The following TRPV6 variants were observed in gnomAD, a reference collection of about 807,000 sequenced individuals.
TRPV6 encodes the protein transient receptor potential cation channel subfamily V member 6.
In TRPV6, 39 loss-of-function variants were observed where a neutral mutation model predicts 79.0. That is an observed-to-expected ratio of 0.49 (90% CI 0.38 to 0.64). The LOEUF is 0.64. Among genes scored for constraint, TRPV6 ranks in the 30% least tolerant of loss-of-function variants. TRPV6 has a pLI of 0.00. For missense variants in TRPV6, 813 were observed against 1,011.1 expected, an observed-to-expected ratio of 0.80 and a Z score of 2.66; for synonymous variants, 373 against 391.9, an observed-to-expected ratio of 0.95 and a Z score of 0.57.
At position 142,876,398 on chromosome 7, in the gene TRPV6, C is replaced by T. The variant is rs368137374; in HGVS notation, c.882+10G>A. 2.2e-5 allele frequency: 35 copies of T among 1,611,258 alleles called. No individual in the cohort carries two copies. The East Asian group carries it at 4.5e-4, about 21-fold the overall frequency. On this transcript the variant is annotated intron_variant, in intron 6 of 14. Coordinates refer to ENST00000359396, the MANE Select transcript of TRPV6 (RefSeq NM_018646.6). Reference sequence around the variant, plus strand: ...AGAAAGACACCTCAGGGATGGGGACCGTCTCTCACCACAGTGTTACCCTCC... The same window carrying T: ...AGAAAGACACCTCAGGGATGGGGACTGTCTCTCACCACAGTGTTACCCTCC...
intron 4 of TRPV6, 80 bp from the exon 5 acceptor site, chr7:142,876,917 T>A (rs1305115848): frequency 1.3e-6 from 2 of 1,557,482 alleles, no homozygotes; most frequent in African/African-American, 2.7e-5. Context: ...GTGACAGCCT[T>A]ATCTTCCCCC....
chr7:142,881,019 G>T (rs1266997789), intron 1 of TRPV6: 3 of 152,304 alleles, frequency 2.0e-5, no homozygotes, highest in East Asian at 1.9e-4. Flanking sequence ...CAGCAAAAAG[G>T]GGGGCCCAGC....
chr7:142,876,934 C>A, intron 4 of TRPV6, 97 bp from the exon 5 acceptor site: 1 of 1,523,162 alleles, frequency 6.6e-7, no homozygotes, highest in African/African-American at 1.4e-5. Flanking sequence ...CCCCACATCT[C>A]AGCTCAGGGC....
rs989927461 is a variant in TRPV6, at chr7:142,883,299, G to T, written c.248+2090C>A. The T allele has an allele frequency of 3.3e-5, 5 of 152,228 alleles. No homozygotes were observed. The South Asian group carries it at 1.0e-3, about 32-fold the overall frequency. 9.4% of individuals were successfully genotyped at this position (152,228 alleles called of 1,614,324 possible). On this transcript the variant is annotated intron_variant, in intron 1 of 14. Coordinates refer to ENST00000359396, the MANE Select transcript of TRPV6 (RefSeq NM_018646.6). Reference sequence around the variant, plus strand: ...GAGCGGGCTGCGTGCTAAGCACCAAGAAACGTCCACTGTAAAAAGAGGAGT... The same window carrying T: ...GAGCGGGCTGCGTGCTAAGCACCAATAAACGTCCACTGTAAAAAGAGGAGT...
In TRPV6 at chr7:142,873,308, A is replaced by G. The variant is rs1471904707; in HGVS notation, c.1908+140T>C. On this transcript the variant is annotated intron_variant, in intron 13 of 14. Transcript: ENST00000359396. The surrounding 1 kb of genome is among the most constrained non-coding windows in gnomAD (Gnocchi z 4.8). Reference sequence around the variant, plus strand: ...TTGAATTGCTAATCAGTGCTTCTGTACATTTTGCATGATTTTGCTAGCTTT... The same window carrying G: ...TTGAATTGCTAATCAGTGCTTCTGTGCATTTTGCATGATTTTGCTAGCTTT... 1.2e-5 allele frequency: 14 copies of G among 1,178,872 alleles called. No individual in the cohort carries two copies. Among genetic ancestry groups the G allele is most frequent in the Non-Finnish European group, 1.6e-5 (13 of 825,380 alleles). The allele number at this position is 1,178,872 out of a possible 1,614,324, so 73.0% of individuals were successfully genotyped here.
chr7:142,885,648 T>C lies in TRPV6; in HGVS notation c.-12A>G, dbSNP rs1170213550. On this transcript the variant is annotated 5_prime_UTR_variant, in exon 1 of 15. Transcript: ENST00000359396. Reference sequence around the variant, plus strand: ...TGTAGAGGTCCCGTCTCCTGTCTCCTGCCTTCCTGACGAGTTCCTTGGGAG... The same window carrying C: ...TGTAGAGGTCCCGTCTCCTGTCTCCCGCCTTCCTGACGAGTTCCTTGGGAG... The C allele has an allele frequency of 3.9e-6, 5 of 1,289,584 alleles. No homozygotes were observed. The Admixed American group carries it at 1.3e-4, about 34-fold the overall frequency. The allele number at this position is 1,289,584 out of a possible 1,614,324, so 79.9% of individuals were successfully genotyped here. A position where few individuals can be genotyped will look rare whatever the true frequency, so the allele number is the denominator to read the frequency against.
Position 142,885,420 on chromosome 7 carries a change from G to A in TRPV6, c.217C>T (p.Arg73Ter), listed in dbSNP as rs1270405924. The A allele has an allele frequency of 1.9e-6, 3 of 1,613,734 alleles. No individual in the cohort carries two copies. The highest frequency in any genetic ancestry group is 2.2e-5 in the East Asian group (1 of 44,850). ...TGCTGCAGCAGGTTCTGCTCATCTCGGCTCTGGGCCCAGGACTCCCGTCTC... is the reference window on the plus strand; with the variant it reads ...TGCTGCAGCAGGTTCTGCTCATCTCAGCTCTGGGCCCAGGACTCCCGTCTC... Residue 73 changes from arginine to a stop codon, truncating the protein, a stop_gained, in exon 1 of 15, where the codon CGA becomes TGA. Coordinates refer to ENST00000359396, the MANE Select transcript of TRPV6 (RefSeq NM_018646.6). LOFTEE classifies it high-confidence loss of function.
intron 4 of TRPV6, 79 bp from the exon 5 acceptor site, chr7:142,876,916 T>A (rs1409699339): frequency 1.3e-6 from 2 of 1,558,398 alleles, no homozygotes; most frequent in Non-Finnish European, 1.7e-6. Flanking sequence ...AGTGACAGCC[T>A]TATCTTCCCC....
At chr7:142,877,874 GA>G (rs1366522007) in intron 2 of TRPV6, 54 bp downstream of exon 2, 2 of 1,612,506 alleles carry the variant, frequency 1.2e-6, no homozygotes, top group African/African-American at 1.3e-5. Flanking sequence ...GCACTCCTGG[GA>G]GGCCCCATGT....
intron 13 of TRPV6, 43 bp from the exon 14 acceptor site, chr7:142,872,521 C>T (rs763984457): frequency 2.5e-5 from 39 of 1,578,960 alleles, no homozygotes; most frequent in Non-Finnish European, 2.6e-5. Context: ...TGAGGCTGGG[C>T]GCAGACAGAG....
chr7:142,871,464 C>T lies in TRPV6; in HGVS notation c.*243G>A. On this transcript the variant is annotated 3_prime_UTR_variant, in exon 15 of 15. Transcript: ENST00000359396. ...CCTGTCGGAAGGGTGATGAGCAGGCCACAGGAGAGTTCCTCACGCCCTGCC... is the reference window on the plus strand; with the variant it reads ...CCTGTCGGAAGGGTGATGAGCAGGCTACAGGAGAGTTCCTCACGCCCTGCC... 1.8e-6 allele frequency: 1 copy of T among 541,768 alleles called. No homozygotes were observed. The highest frequency in any genetic ancestry group is 1.9e-5 in the African/African-American group (1 of 52,952). The allele number at this position is 541,768 out of a possible 1,614,324, so 33.6% of individuals were successfully genotyped here.
chr7:142,885,333 G>A, intron 1 of TRPV6, 56 bp downstream of exon 1: 2 of 1,547,082 alleles, frequency 1.3e-6, no homozygotes, highest in Non-Finnish European at 1.8e-6. Context: ...GAGGGGTGAG[G>A]GGTAGAGGTG....
rs1051488425 is a variant in TRPV6, at chr7:142,871,461, G to A, written c.*246C>T. 7.5e-6 allele frequency: 4 copies of A among 533,854 alleles called. No homozygotes were observed. The African/African-American group carries it at 7.6e-5, about 10-fold the overall frequency. 33.1% of individuals were successfully genotyped at this position (533,854 alleles called of 1,614,324 possible). On this transcript the variant is annotated 3_prime_UTR_variant, in exon 15 of 15. Coordinates refer to ENST00000359396, the MANE Select transcript of TRPV6 (RefSeq NM_018646.6). ...GCTCCTGTCGGAAGGGTGATGAGCA[G>A]GCCACAGGAGAGTTCCTCACGCCCT...
rs763514570 is a variant in TRPV6 at position 142,875,679 on chromosome 7, G to C, written c.1031C>G (p.Ala344Gly). Residue 344 changes from alanine (A) to glycine (G), a missense_variant and splice_region_variant, in exon 8 of 15, where the codon GCT becomes GGT. This residue lies in a region of TRPV6 where 555 missense variants were observed against 631.0 expected (regional missense o/e 0.88). Coordinates refer to ENST00000359396, the MANE Select transcript of TRPV6 (RefSeq NM_018646.6). ...CGGCGTCTGGTCCAGGATCTGGCGA[G>C]CCTGCAACAGAAAGAGAACAGGTGG... The C allele has an allele frequency of 6.2e-7, 1 of 1,610,552 alleles. No individual in the cohort carries two copies. Among genetic ancestry groups the C allele is most frequent in the South Asian group, 1.1e-5 (1 of 90,506 alleles).
At chr7:142,880,726 C>T (rs1348933578) in intron 1 of TRPV6, 1 of 152,210 alleles carries the variant, frequency 6.6e-6, no homozygotes, top group Non-Finnish European at 1.5e-5. Context: ...AAGCTACTGT[C>T]AGACCCAGAG....
chr7:142,873,908 T>C lies in TRPV6; in HGVS notation c.1639+168A>G. On this transcript the variant is annotated intron_variant, in intron 12 of 14. Coordinates refer to ENST00000359396, the MANE Select transcript of TRPV6 (RefSeq NM_018646.6). This position sits in a 1 kb window ranked among gnomAD's most constrained non-coding sequence, Gnocchi z 4.8. ...CTTGATCCTAAGAGCCACCTCTCCC[T>C]AACACTCCCGATTTTTCTCACCTCT... 1 of 1,086,878 alleles carries C rather than the reference T, an allele frequency of 9.2e-7. No individual in the cohort carries two copies. Among genetic ancestry groups the C allele is most frequent in the Non-Finnish European group, 1.3e-6 (1 of 749,030 alleles). The allele number at this position is 1,086,878 out of a possible 1,614,324, so 67.3% of individuals were successfully genotyped here. A position where few individuals can be genotyped will look rare whatever the true frequency, so the allele number is the denominator to read the frequency against.
intron 1 of TRPV6, chr7:142,881,754 T>A (rs1795196705): frequency 6.6e-6 from 1 of 152,206 alleles, no homozygotes; most frequent in Admixed American, 6.5e-5. Context: ...AATGACCTCC[T>A]TCTCAGGGCT....
Position 142,876,984 on chromosome 7 carries a change from G to T in TRPV6, c.608-147C>A. ...CCTGCAGAACCAGAGGAAGGGTCGT[G>T]GGGTAAATTGGCCTCTAGTCTAATT... is the stretch of plus-strand genomic sequence containing the variant. On this transcript the variant is annotated intron_variant, in intron 4 of 14. Coordinates refer to ENST00000359396, the MANE Select transcript of TRPV6 (RefSeq NM_018646.6). 3 of 1,428,058 alleles carry T rather than the reference G, an allele frequency of 2.1e-6. No individual in the cohort carries two copies. The East Asian group carries it at 7.5e-5, about 36-fold the overall frequency. 88.5% of individuals were successfully genotyped at this position (1,428,058 alleles called of 1,614,324 possible).
intron 6 of TRPV6, 180 bp downstream of exon 6, chr7:142,876,226 CAG>C (rs751231969): frequency 2.9e-5 from 27 of 932,608 alleles, no homozygotes; most frequent in Non-Finnish European, 4.1e-5. Context: ...CCCAATGCCT[CAG>C]GGGAAAAGGA....
Sources: gnomAD v4.1 joint callset for allele counts on GRCh38, gnomAD v4.1.1 for gene constraint, gnomAD v4.1.1 regional missense constraint, Gnocchi (gnomAD v3.1) non-coding constraint, MANE v1.5 for transcripts, NCBI Gene and HGNC (gene_info 2026-07-23, HGNC 2026-07-21) for gene names.